The following TDRD9 variants were observed in gnomAD, a reference collection of about 807,000 sequenced individuals.
TDRD9 encodes the protein tudor domain containing 9.
TDRD9 carries 124 observed loss-of-function variants against 172.6 expected under a neutral mutation model. That is an observed-to-expected ratio of 0.72 (90% CI 0.62 to 0.83). The LOEUF (loss-of-function observed/expected upper bound fraction) is 0.83, where lower values mean the gene tolerates loss of function less well. Ranked by LOEUF, TDRD9 falls within the 40% of genes least tolerant of loss-of-function variation. The pLI, the probability that TDRD9 is intolerant of heterozygous loss-of-function variation, is 0.00. For synonymous variants in TDRD9, 619 were observed against 617.1 expected (o/e 1.00, Z -0.05); for missense variants, 1,479 against 1,714.1 (o/e 0.86, Z 2.42).
intron 32 of TDRD9, among the ~76,000 whole-genome samples, chr14:104,038,629 G>A (rs1237892696): frequency 1.3e-5 from 2 of 152,170 alleles, no homozygotes; most frequent in Non-Finnish European, 2.9e-5. Flanking sequence ...AGCATGGTGG[G>A]TTGGTGCTGA....
chr14:104,049,894 TCAGACACCA>T, intron 35 of TDRD9: 1 of 514,336 alleles, frequency 1.9e-6, no homozygotes. Context: ...CGGCAAAGAG[TCAGACACCA>T]GGATAACTCA....
intron 23 of TDRD9, among the ~76,000 whole-genome samples, chr14:104,020,462 C>G (rs1322577969): frequency 6.6e-6 from 1 of 152,146 alleles, no homozygotes; most frequent in Non-Finnish European, 1.5e-5. Flanking sequence ...GGGGAGGATG[C>G]AGCTTCGAGG....
At chr14:104,020,084 G>A (rs2034908368) in intron 23 of TDRD9, among the ~76,000 whole-genome samples, 2 of 152,296 alleles carry the variant, frequency 1.3e-5, no homozygotes, top group East Asian at 1.9e-4. Context: ...GAGCTGCTCC[G>A]TGTCAGATGG....
chr14:104,025,262 G>A (rs559049928), intron 25 of TDRD9, among the ~76,000 whole-genome samples: 4 of 152,302 alleles, frequency 2.6e-5, no homozygotes, highest in East Asian at 1.9e-4. Context: ...CATTACAGGC[G>A]TGAGCCACTG....
Position 104,018,101 on chromosome 14 carries a change from A to G in TDRD9, c.2341A>G (p.Ile781Val), listed in dbSNP as rs1162953599. The change falls in exon 23 of 36, where the codon ATT (isoleucine) becomes GTT (valine). Residue 781 changes from isoleucine (I) to valine (V), a missense_variant. This residue lies in a region of TDRD9 where 1,413 missense variants were observed against 1,649.1 expected (regional missense o/e 0.86). Coordinates refer to ENST00000409874, the MANE Select transcript of TDRD9 (RefSeq NM_153046.3). The part of the protein sequence containing the change: ...DPKTTVVLKH[I>V]PPYGFLYYKQ... ...GTGTTATATTTTACAGTTGAAACAC[A>G]TTCCTCCCTATGGATTTCTTTACTA... The G allele has an allele frequency of 5.7e-6, 9 of 1,592,564 alleles. No homozygotes were observed. The highest frequency in any genetic ancestry group is 6.9e-6 in the Non-Finnish European group (8 of 1,163,440).
intron 23 of TDRD9, among the ~76,000 whole-genome samples, chr14:104,021,457 G>A (rs1247798365): frequency 6.6e-6 from 1 of 152,198 alleles, no homozygotes; most frequent in Non-Finnish European, 1.5e-5. Flanking sequence ...CACTTTGGGA[G>A]GCTGAGATGG....
At position 104,026,104 on chromosome 14, in the gene TDRD9, A is replaced by G. The variant is rs766366437; in HGVS notation, c.2989A>G (p.Ile997Val). The change falls in exon 27 of 36, where the codon ATT becomes GTT. Residue 997 changes from isoleucine to valine, a missense_variant. This residue lies in a region of TDRD9 where 1,413 missense variants were observed against 1,649.1 expected (regional missense o/e 0.86). Coordinates refer to ENST00000409874, the MANE Select transcript of TDRD9 (RefSeq NM_153046.3). ...SHVDLHLLMEIPCQFLELPFQ... is the reference protein window; with the variant it reads ...SHVDLHLLMEVPCQFLELPFQ... ...TGTAGATCTACATCTTTTGATGGAG[A>G]TTCCCTGTCAATTTCTTGAACTTCC... The G allele has an allele frequency of 9.9e-6, 16 of 1,610,736 alleles. No homozygotes were observed. The highest frequency in any genetic ancestry group is 1.4e-5 in the Non-Finnish European group (16 of 1,176,976).
intron 7 of TDRD9, among the ~76,000 whole-genome samples, chr14:103,983,579 C>A (rs1377830545): frequency 1.3e-5 from 2 of 151,954 alleles, no homozygotes; most frequent in African/African-American, 4.8e-5. Context: ...TGAAAAAAAC[C>A]CAGTATCGCT....
chr14:103,981,995 C>T (rs74818012), intron 7 of TDRD9, among the ~76,000 whole-genome samples: 4,358 of 152,114 alleles, frequency 0.029, 133 homozygotes, highest in African/African-American at 0.076. Flanking sequence ...GTTACCTCAC[C>T]ACACTGTCTG....
chr14:103,991,700 T>G (rs1487817368), intron 9 of TDRD9, among the ~76,000 whole-genome samples: 1 of 152,128 alleles, frequency 6.6e-6, no homozygotes, highest in Non-Finnish European at 1.5e-5. Context: ...TGTGAGCCAC[T>G]GTGCCCGGCC....
At chr14:103,996,149 G>A (rs1022658371) in intron 12 of TDRD9, among the ~76,000 whole-genome samples, 1 of 152,176 alleles carries the variant, frequency 6.6e-6, no homozygotes, top group Non-Finnish European at 1.5e-5. Flanking sequence ...AGCTCTGAAG[G>A]TTGCTTGGCA....
rs1259672710 is a variant in TDRD9 at position 104,006,424 on chromosome 14, TGAA to T, written c.1750_1752del (p.Glu584del). On this transcript the variant is annotated inframe_deletion, in exon 16 of 36. Transcript: ENST00000409874. Reference sequence around the variant, plus strand: ...TTGCAGTGAGTGGGCAGAGAGAAGATGAAAACCCCCATGATGGTGAATTGACCT... The same window carrying T: ...TTGCAGTGAGTGGGCAGAGAGAAGATAACCCCCATGATGGTGAATTGACCT... 2.5e-6 allele frequency: 4 copies of T among 1,613,796 alleles called. No homozygotes were observed. The African/African-American group carries it at 5.3e-5, about 22-fold the overall frequency.
chr14:104,024,749 TACACACACACACACACACAC>T (rs60394937), intron 25 of TDRD9, 69 bp downstream of exon 25: 14 of 434,994 alleles, frequency 3.2e-5, no homozygotes, highest in Non-Finnish European at 4.2e-5. Flanking sequence ...ACAGGAAGTT[TACACACACACACACACACAC>T]ACACACACAC....
At chr14:104,022,493 G>A (rs572802172) in intron 24 of TDRD9, among the ~76,000 whole-genome samples, 163 bp downstream of exon 24, 3 of 152,290 alleles carry the variant, frequency 2.0e-5, no homozygotes, top group South Asian at 2.1e-4. Flanking sequence ...TTGCGAGGCC[G>A]AGGCAGGCAG....
intron 2 of TDRD9, among the ~76,000 whole-genome samples, chr14:103,956,102 AAAAAAAAAAAT>A (rs1179769647): frequency 2.4e-4 from 14 of 57,266 alleles, no homozygotes; most frequent in Non-Finnish European, 3.7e-4. Flanking sequence ...AAAAAAAAAA[AAAAAAAAAAAT>A]ATATATATAT....
At chr14:104,002,825 A>G (rs1156758703) in intron 13 of TDRD9, among the ~76,000 whole-genome samples, 18 of 151,102 alleles carry the variant, frequency 1.2e-4, no homozygotes, top group Admixed American at 1.2e-3. Context: ...TCCACCTCCC[A>G]GGTTCAAGCA....
At chr14:103,934,255 C>G (rs889042002) in intron 1 of TDRD9, among the ~76,000 whole-genome samples, 2 of 152,068 alleles carry the variant, frequency 1.3e-5, no homozygotes, top group Non-Finnish European at 2.9e-5. Context: ...TCAAGCAGTC[C>G]TCTCCTCTGG....
At chr14:103,970,718 C>A in intron 6 of TDRD9, 97 bp downstream of exon 6, 1 of 947,152 alleles carries the variant, frequency 1.1e-6, no homozygotes, top group Non-Finnish European at 1.6e-6. Flanking sequence ...ATAGAGCATT[C>A]TGGGACCCCG....
intron 1 of TDRD9, among the ~76,000 whole-genome samples, chr14:103,931,132 CA>C (rs553560961): frequency 0.042 from 5,904 of 139,486 alleles, 149 homozygotes; most frequent in East Asian, 0.072. Context: ...CTGTCTCTAC[CA>C]AAAAAAAAAA....
Sources: allele counts gnomAD v4.1 joint callset (sites outside exome capture counted in the v4.1 genomes callset), GRCh38; gene constraint gnomAD v4.1.1; regional missense constraint gnomAD v4.1.1; transcripts MANE v1.5; gene names NCBI Gene and HGNC (gene_info 2026-07-23, HGNC 2026-07-21).